Variants in PHRF1 observed in about 807,000 individuals in gnomAD.
PHRF1 encodes PHD and ring finger domains 1, also known as PHD and RING finger domain-containing protein 1.
Under a neutral mutation model 128.9 loss-of-function variants are expected in PHRF1, and 53 were observed. The ratio of observed to expected loss-of-function variants is 0.41; its 90% confidence interval spans 0.33 to 0.52. The LOEUF (loss-of-function observed/expected upper bound fraction) is 0.52, where lower values mean the gene tolerates loss of function less well. Ranked by LOEUF, PHRF1 falls within the 20% of genes least tolerant of loss-of-function variation. The pLI, the probability that PHRF1 is intolerant of heterozygous loss-of-function variation, is 0.21. For missense variants in PHRF1, 2,503 were observed against 2,284.5 expected, an observed-to-expected ratio of 1.10 and a Z score of -1.95; for synonymous variants, 1,178 against 980.6, an observed-to-expected ratio of 1.20 and a Z score of -3.76.
chr11:580,436 C>T (rs1854136906), intron 1 of PHRF1, among the ~76,000 whole-genome samples: 2 of 152,236 alleles, frequency 1.3e-5, no homozygotes, highest in South Asian at 2.1e-4. Flanking sequence ...TCTTGGGAGC[C>T]GAGGGGTGGG....
At chr11:592,910 A>G (rs1185027797) in intron 6 of PHRF1, among the ~76,000 whole-genome samples, 3 of 152,256 alleles carry the variant, frequency 2.0e-5, no homozygotes. Flanking sequence ...GTAATACATC[A>G]AGACAAAAAA....
intron 9 of PHRF1, among the ~76,000 whole-genome samples, chr11:598,904 C>T (rs1211333202): frequency 6.6e-6 from 1 of 152,248 alleles, no homozygotes; most frequent in Non-Finnish European, 1.5e-5. Flanking sequence ...TGTCTTGCTT[C>T]TGCCCTGTTC....
chr11:583,065 G>T (rs550771751), intron 3 of PHRF1, among the ~76,000 whole-genome samples: 1 of 150,806 alleles, frequency 6.6e-6, no homozygotes, highest in Non-Finnish European at 1.5e-5. Context: ...GGCTGTCTGG[G>T]CGCGGTGGCT....
intron 13 of PHRF1, 126 bp from the exon 14 acceptor site, chr11:606,940 C>G: frequency 1.4e-6 from 2 of 1,439,418 alleles, no homozygotes; most frequent in Non-Finnish European, 1.8e-6. Context: ...AGGTGTCCAC[C>G]TCAACAGGCA....
In PHRF1 at chr11:611,778, G is replaced by A. The variant is rs779466948; in HGVS notation, c.*1G>A. The A allele has an allele frequency of 6.3e-6, 10 of 1,599,550 alleles. No individual in the cohort carries two copies. Among genetic ancestry groups the A allele is most frequent in the Admixed American group, 1.7e-5 (1 of 57,364 alleles). On this transcript the variant is annotated 3_prime_UTR_variant, in exon 18 of 18. Coordinates refer to ENST00000264555, the MANE Select transcript of PHRF1 (RefSeq NM_001286581.2). ...GCCCACGCAGGGGGCCGAGGGCTGA[G>A]GCCAGGCAATCACGGGCTATGCCCG... is the stretch of plus-strand genomic sequence containing the variant.
chr11:592,537 G>C (rs996206480), intron 5 of PHRF1, 22 bp from the exon 6 acceptor site: 4 of 1,610,182 alleles, frequency 2.5e-6, no homozygotes, highest in Non-Finnish European at 3.4e-6. Context: ...CTGTGTGGTG[G>C]TGACCGACGA....
intron 12 of PHRF1, among the ~76,000 whole-genome samples, chr11:606,155 C>T (rs1032434819): frequency 6.6e-6 from 1 of 152,278 alleles, no homozygotes; most frequent in African/African-American, 2.4e-5. Context: ...CCCCCTCCCA[C>T]CTGTTGGTGG....
chr11:577,660 G>A (rs1446109519), intron 1 of PHRF1, among the ~76,000 whole-genome samples: 1 of 152,222 alleles, frequency 6.6e-6, no homozygotes, highest in Non-Finnish European at 1.5e-5. Flanking sequence ...ACAATTTTGA[G>A]TTCTCCTAGC....
intron 4 of PHRF1, among the ~76,000 whole-genome samples, chr11:589,201 A>C (rs1465221209): frequency 6.6e-6 from 1 of 152,198 alleles, no homozygotes; most frequent in Non-Finnish European, 1.5e-5. Context: ...ATTATTGGAT[A>C]CGAGGTTAAT....
intron 6 of PHRF1, among the ~76,000 whole-genome samples, chr11:594,688 C>T (rs1564849996): frequency 1.3e-5 from 2 of 152,170 alleles, no homozygotes; most frequent in African/African-American, 2.4e-5. Context: ...TGTGGAACTC[C>T]TGGGCTCAAT....
intron 13 of PHRF1, 189 bp from the exon 14 acceptor site, chr11:606,877 C>A: frequency 9.5e-7 from 1 of 1,052,392 alleles, no homozygotes. Context: ...AGGCACTGTA[C>A]TTTGTCATCC....
intron 3 of PHRF1, among the ~76,000 whole-genome samples, chr11:584,769 C>T (rs11246202): frequency 0.045 from 5,846 of 130,994 alleles, 147 homozygotes; most frequent in Middle Eastern, 0.12. Context: ...CCGAGTTTCA[C>T]TCTTGTTGCC....
chr11:610,380 G>A, intron 15 of PHRF1, 33 bp downstream of exon 15: 1 of 1,540,542 alleles, frequency 6.5e-7, no homozygotes, highest in South Asian at 1.2e-5. Context: ...TGTGGGCCGT[G>A]GGCAGTGGCC....
At chr11:578,144 G>T (rs796824622) in intron 1 of PHRF1, among the ~76,000 whole-genome samples, 7 of 152,206 alleles carry the variant, frequency 4.6e-5, no homozygotes, top group Non-Finnish European at 4.4e-5. Flanking sequence ...TAAGCTAGGG[G>T]CTCCCATTAA....
In PHRF1 at chr11:609,178, A is replaced by G; in HGVS notation, c.3722A>G (p.Gln1241Arg). The G allele has an allele frequency of 1.2e-6, 2 of 1,606,636 alleles. No homozygotes were observed. Among genetic ancestry groups the G allele is most frequent in the East Asian group, 2.2e-5 (1 of 44,850 alleles). Residue 1241 changes from glutamine (Q) to arginine (R), a missense_variant, in exon 14 of 18, where the codon CAG becomes CGG. By Grantham distance (43) the Gln-to-Arg change is conservative. Transcript: ENST00000264555. ...EVATADKAPL[Q>R]APPVLEVAAE... is the part of the protein sequence containing the mutation. ...GCTACGGCCGACAAGGCCCCCCTGC[A>G]GGCTCCCCCTGTCCTGGAGGTGGCA...
chr11:588,272 G>T (rs986685987), intron 4 of PHRF1, among the ~76,000 whole-genome samples: 1 of 152,204 alleles, frequency 6.6e-6, no homozygotes, highest in Non-Finnish European at 1.5e-5. Flanking sequence ...CATGCTGCTG[G>T]TGGTGGCAGG....
chr11:581,885 G>T, intron 2 of PHRF1, 77 bp from the exon 3 acceptor site: 3 of 1,481,658 alleles, frequency 2.0e-6, no homozygotes, highest in Non-Finnish European at 2.7e-6. Flanking sequence ...ACGCCTCTAT[G>T]CCTGTGCAAA....
At chr11:578,870 G>A (rs1854041747) in intron 1 of PHRF1, among the ~76,000 whole-genome samples, 1 of 149,646 alleles carries the variant, frequency 6.7e-6, no homozygotes, top group African/African-American at 2.5e-5. Flanking sequence ...TTTTTTTTTT[G>A]AGACTGAGTC....
chr11:588,617 G>A (rs181011093), intron 4 of PHRF1, among the ~76,000 whole-genome samples: 2 of 152,164 alleles, frequency 1.3e-5, no homozygotes, highest in East Asian at 3.9e-4. Context: ...AACCTCAGGT[G>A]ATCCACCCGT....
Sources: allele counts gnomAD v4.1 joint callset (sites outside exome capture counted in the v4.1 genomes callset), GRCh38; gene constraint gnomAD v4.1.1; transcripts MANE v1.5; gene names NCBI Gene and HGNC (gene_info 2026-07-23, HGNC 2026-07-21).